The following LSAMP variants were observed in gnomAD, a reference collection of about 807,000 sequenced individuals.
LSAMP encodes limbic system associated membrane protein.
Under a neutral mutation model 38.6 loss-of-function variants are expected in LSAMP, and 7 were observed. The observed-to-expected ratio is 0.18, with a 90% CI of 0.10 to 0.34. The LOEUF is 0.34. LSAMP is among the 10% of genes least tolerant of loss of function. The pLI is 1.00. For missense variants in LSAMP, 313 were observed against 420.0 expected (o/e 0.75, Z 2.23); for synonymous variants, 154 against 166.8 (o/e 0.92, Z 0.59).
At chr3:115,999,363 C>A (rs1037699631) in intron 3 of LSAMP, among the ~76,000 whole-genome samples, 1 of 152,140 alleles carries the variant, frequency 6.6e-6, no homozygotes, top group African/African-American at 2.4e-5. Flanking sequence ...TGTTATCCCC[C>A]AAGGACACGG....
chr3:115,855,488 A>G (rs1935477274), intron 3 of LSAMP, among the ~76,000 whole-genome samples: 1 of 152,208 alleles, frequency 6.6e-6, no homozygotes, highest in Admixed American at 6.5e-5. Context: ...CATGGGAGGC[A>G]GAGACATCAT....
chr3:116,046,773 C>T (rs1941298504), intron 2 of LSAMP, among the ~76,000 whole-genome samples: 1 of 152,132 alleles, frequency 6.6e-6, no homozygotes, highest in African/African-American at 2.4e-5. Context: ...TTTCTAAAGG[C>T]AAAACAAGAG....
chr3:116,251,489 A>G (rs1165840420), intron 1 of LSAMP, among the ~76,000 whole-genome samples: 1 of 152,244 alleles, frequency 6.6e-6, no homozygotes, highest in Non-Finnish European at 1.5e-5. Flanking sequence ...AGGTGAAGTC[A>G]TTAGCAAAGG....
chr3:116,232,682 CT>C (rs2046414900), intron 1 of LSAMP, among the ~76,000 whole-genome samples: 1 of 77,554 alleles, frequency 1.3e-5, no homozygotes, highest in East Asian at 4.8e-4. Context: ...TTTTAATTTT[CT>C]TTTCTTTCTT....
intron 3 of LSAMP, among the ~76,000 whole-genome samples, chr3:115,858,135 A>ATCTCTCTC (rs67994060): frequency 6.9e-5 from 10 of 144,044 alleles, no homozygotes; most frequent in East Asian, 2.0e-4. Context: ...CCGTCCTCCC[A>ATCTCTCTC]TCTCTCTCTC....
intron 1 of LSAMP, among the ~76,000 whole-genome samples, chr3:116,091,844 A>G (rs1330941552): frequency 6.6e-6 from 1 of 152,212 alleles, no homozygotes; most frequent in East Asian, 1.9e-4. Flanking sequence ...GGATCAGAGA[A>G]TATCCTTCCG....
At chr3:116,055,018 G>A (rs906251423) in intron 2 of LSAMP, among the ~76,000 whole-genome samples, 5 of 152,140 alleles carry the variant, frequency 3.3e-5, no homozygotes, top group Non-Finnish European at 7.3e-5. Flanking sequence ...TCTGAGTATA[G>A]GTGACATAAG....
At chr3:116,198,457 G>A (rs2045940712) in intron 1 of LSAMP, among the ~76,000 whole-genome samples, 1 of 152,142 alleles carries the variant, frequency 6.6e-6, no homozygotes, top group Admixed American at 6.5e-5. Flanking sequence ...GCTATTTAGA[G>A]AAGGAAATTT....
intron 2 of LSAMP, among the ~76,000 whole-genome samples, chr3:116,042,431 CTTTTT>C (rs1013336834): frequency 1.5e-5 from 2 of 134,880 alleles, no homozygotes; most frequent in Non-Finnish European, 1.6e-5. Flanking sequence ...AAGAGCATTT[CTTTTT>C]TTTTTTTTTT....
chr3:116,275,556 A>G (rs985437304), intron 1 of LSAMP, among the ~76,000 whole-genome samples: 1 of 152,090 alleles, frequency 6.6e-6, no homozygotes, highest in African/African-American at 2.4e-5. Context: ...AAATCACAGA[A>G]TTTCATTGCA....
rs1203800252 is a variant in LSAMP, at chr3:116,426,907, A to C, written c.155+17970T>G. 2.0e-5 allele frequency among the ~76,000 whole-genome samples: 3 copies of C among 152,140 alleles called. No individual in the cohort carries two copies. The East Asian group carries it at 5.8e-4, about 29-fold the overall frequency. ...CTAATCTGCCTCAAGGTTAAAAAAA[A>C]AAAAAGTCTGCCAAGAAACTTGAAA... is the stretch of plus-strand genomic sequence containing the variant. On this transcript the variant is annotated intron_variant, in intron 1 of 6. Transcript: ENST00000490035.
At chr3:115,981,168 A>G (rs1463919111) in intron 3 of LSAMP, among the ~76,000 whole-genome samples, 1 of 152,178 alleles carries the variant, frequency 6.6e-6, no homozygotes, top group Non-Finnish European at 1.5e-5. Flanking sequence ...AAAAGAAAAA[A>G]GAAAGTAAGT....
intron 1 of LSAMP, among the ~76,000 whole-genome samples, chr3:116,339,448 C>G (rs532705742): frequency 6.6e-6 from 1 of 151,710 alleles, no homozygotes; most frequent in African/African-American, 2.4e-5. Flanking sequence ...ACTGAATGAC[C>G]GTCACAGCCA....
chr3:116,200,877 C>T (rs1271721581), intron 1 of LSAMP, among the ~76,000 whole-genome samples: 1 of 152,154 alleles, frequency 6.6e-6, no homozygotes, highest in Non-Finnish European at 1.5e-5. Context: ...AATAAGCATC[C>T]AAGCTCCTGT....
intron 3 of LSAMP, among the ~76,000 whole-genome samples, chr3:115,869,758 T>C (rs1228619226): frequency 1.3e-5 from 2 of 152,110 alleles, no homozygotes; most frequent in African/African-American, 2.4e-5. Context: ...GAATCACTTG[T>C]AAAATGTTAG....
At chr3:116,044,748 C>T (rs570002133) in intron 2 of LSAMP, among the ~76,000 whole-genome samples, 3 of 152,094 alleles carry the variant, frequency 2.0e-5, no homozygotes, top group African/African-American at 7.2e-5. Context: ...CCCCAGCTGG[C>T]CAGACCTCCA....
chr3:116,197,375 T>C (rs1259401864), intron 1 of LSAMP, among the ~76,000 whole-genome samples: 2 of 152,182 alleles, frequency 1.3e-5, no homozygotes, highest in East Asian at 1.9e-4. Context: ...TGCTTCAAGA[T>C]GCAGACAACA....
At chr3:116,343,180 C>T (rs2048020051) in intron 1 of LSAMP, among the ~76,000 whole-genome samples, 1 of 152,086 alleles carries the variant, frequency 6.6e-6, no homozygotes, top group East Asian at 1.9e-4. Context: ...ATTTCTGCAC[C>T]TACTTGTGAT....
intron 2 of LSAMP, among the ~76,000 whole-genome samples, chr3:116,043,271 A>G (rs1439650663): frequency 3.3e-5 from 5 of 152,186 alleles, no homozygotes; most frequent in Admixed American, 6.5e-5. Context: ...TTTCCGATTT[A>G]GGTGATTGCA....
Sources: gnomAD v4.1 joint callset for allele counts (sites outside exome capture counted in the v4.1 genomes callset) on GRCh38, gnomAD v4.1.1 for gene constraint, MANE v1.5 for transcripts, NCBI Gene and HGNC (gene_info 2026-07-23, HGNC 2026-07-21) for gene names.